PDGFD: variants seen among roughly 807,000 people sequenced by gnomAD.
PDGFD encodes the protein platelet derived growth factor D, also known as platelet-derived growth factor D.
A neutral mutation model predicts 44.7 loss-of-function variants in PDGFD; 30 were observed. The ratio of observed to expected loss-of-function variants is 0.67; its 90% CI spans 0.50 to 0.91. The LOEUF is 0.91. Ranked by LOEUF, PDGFD falls within the 40% of genes least tolerant of loss-of-function variation. The pLI is 0.00. For missense variants in PDGFD, 445 were observed against 457.8 expected, an observed-to-expected ratio of 0.97 and a Z score of 0.25; for synonymous variants, 173 against 168.4, an observed-to-expected ratio of 1.03 and a Z score of -0.21.
In PDGFD at chr11:104,102,943, G is replaced by A. The variant is rs372743572; in HGVS notation, c.124+60861C>T. The stretch of plus-strand genomic sequence containing the variant: ...GGGCCTGTTGTGGGCTGGGGGGAGA[G>A]GGGAGGGATAGCATTAGGAGATATA... On this transcript the variant is annotated intron_variant, in intron 1 of 6. Transcript: ENST00000393158. Among the ~76,000 whole-genome samples, 48 of 152,214 alleles carry A rather than the reference G, an allele frequency of 3.2e-4. No homozygotes were observed. In the South Asian group the frequency reaches 9.3e-3, roughly 30 times the overall value.
At chr11:104,071,274 A>G (rs757286203) in intron 1 of PDGFD, among the ~76,000 whole-genome samples, 2 of 151,850 alleles carry the variant, frequency 1.3e-5, no homozygotes, top group African/African-American at 2.4e-5. Flanking sequence ...TTTTCTTTTC[A>G]TCAGTTAAGT....
At chr11:103,986,801 A>G (rs1488205028) in intron 3 of PDGFD, among the ~76,000 whole-genome samples, 1 of 152,244 alleles carries the variant, frequency 6.6e-6, no homozygotes, top group Non-Finnish European at 1.5e-5. Context: ...ATTATGGTTT[A>G]GGAGTCATGC....
intron 3 of PDGFD, among the ~76,000 whole-genome samples, chr11:103,989,436 G>A (rs1311164861): frequency 6.6e-6 from 1 of 152,186 alleles, no homozygotes; most frequent in Non-Finnish European, 1.5e-5. Flanking sequence ...TTCACCCAGG[G>A]GTTCTGGTAC....
At chr11:104,036,466 T>G in intron 1 of PDGFD, 1 of 237,684 alleles carries the variant, frequency 4.2e-6, no homozygotes, top group Non-Finnish European at 8.3e-6. Context: ...GTTGAAATCA[T>G]TTCTTTCATA....
At chr11:104,095,179 A>G (rs1861265695) in intron 1 of PDGFD, among the ~76,000 whole-genome samples, 1 of 151,956 alleles carries the variant, frequency 6.6e-6, no homozygotes, top group Non-Finnish European at 1.5e-5. Context: ...AATCCCCAGT[A>G]TTCTTCCCTT....
intron 3 of PDGFD, among the ~76,000 whole-genome samples, chr11:103,972,015 T>TCC (rs1026987314): frequency 6.6e-6 from 1 of 152,174 alleles, no homozygotes; most frequent in African/African-American, 2.4e-5. Flanking sequence ...TCCTGACCCT[T>TCC]CCCTCCTTGT....
In PDGFD at chr11:104,058,115, C is replaced by T. The variant is rs376737694; in HGVS notation, c.125-57860G>A. ...AAGATTAGTCAGCAATTTATTAGAACACAAAAAGCATGAACCATAAAAGAA... is the reference window on the plus strand; with the variant it reads ...AAGATTAGTCAGCAATTTATTAGAATACAAAAAGCATGAACCATAAAAGAA... On this transcript the variant is annotated intron_variant, in intron 1 of 6. Coordinates refer to ENST00000393158, the MANE Select transcript of PDGFD (RefSeq NM_025208.5). 3.9e-5 allele frequency among the ~76,000 whole-genome samples: 6 copies of T among 152,178 alleles called. No individual in the cohort carries two copies. The East Asian group carries it at 1.2e-3, about 29-fold the overall frequency.
chr11:103,956,187 T>C (rs1383013376), intron 3 of PDGFD, among the ~76,000 whole-genome samples: 2 of 151,502 alleles, frequency 1.3e-5, no homozygotes, highest in African/African-American at 4.9e-5. Flanking sequence ...GCATTAGGTA[T>C]ATCTCCTAAT....
At chr11:103,931,467 A>G (rs1858397423) in intron 5 of PDGFD, among the ~76,000 whole-genome samples, 1 of 152,248 alleles carries the variant, frequency 6.6e-6, no homozygotes, top group South Asian at 2.1e-4. Flanking sequence ...CTGGCCATTC[A>G]TCAATCTTTA....
intron 1 of PDGFD, among the ~76,000 whole-genome samples, chr11:104,016,209 G>T (rs1273217744): frequency 6.6e-6 from 1 of 152,142 alleles, no homozygotes; most frequent in Non-Finnish European, 1.5e-5. Context: ...ATACTTTCAG[G>T]TTTGATTAAT....
chr11:103,913,264 C>T (rs879620767), intron 6 of PDGFD, among the ~76,000 whole-genome samples: 2 of 152,160 alleles, frequency 1.3e-5, no homozygotes, highest in African/African-American at 2.4e-5. Flanking sequence ...AAACACTCCT[C>T]AGCAAATGCA....
At chr11:103,918,338 A>G (rs1206415337) in intron 6 of PDGFD, among the ~76,000 whole-genome samples, 1 of 152,202 alleles carries the variant, frequency 6.6e-6, no homozygotes, top group Non-Finnish European at 1.5e-5. Flanking sequence ...CTATTTTCCA[A>G]GACTATCTGG....
intron 1 of PDGFD, among the ~76,000 whole-genome samples, chr11:104,069,818 C>A (rs1301801145): frequency 6.6e-6 from 1 of 152,180 alleles, no homozygotes; most frequent in East Asian, 1.9e-4. Context: ...CTAGCTCGTG[C>A]CACTGCACTC....
chr11:104,027,929 G>C (rs907072016), intron 1 of PDGFD, among the ~76,000 whole-genome samples: 2 of 152,098 alleles, frequency 1.3e-5, no homozygotes, highest in African/African-American at 2.4e-5. Context: ...GGTGGCTCAC[G>C]CTTGTAATCT....
intron 6 of PDGFD, among the ~76,000 whole-genome samples, chr11:103,910,870 T>C (rs1858016597): frequency 6.6e-6 from 1 of 152,160 alleles, no homozygotes; most frequent in South Asian, 2.1e-4. Context: ...GAGATTGACC[T>C]GGGATGCTTG....
intron 1 of PDGFD, among the ~76,000 whole-genome samples, chr11:104,070,824 T>C (rs542346240): frequency 2.0e-5 from 3 of 152,306 alleles, no homozygotes; most frequent in South Asian, 4.1e-4. Context: ...GCCAATGTTA[T>C]AGAATTACAA....
intron 6 of PDGFD, among the ~76,000 whole-genome samples, chr11:103,916,955 A>T (rs1439860032): frequency 6.6e-6 from 1 of 152,054 alleles, no homozygotes; most frequent in Non-Finnish European, 1.5e-5. Flanking sequence ...GGGACTAGGG[A>T]AGGGATAGCA....
At chr11:104,115,734 G>T (rs934564848) in intron 1 of PDGFD, among the ~76,000 whole-genome samples, 2 of 151,846 alleles carry the variant, frequency 1.3e-5, no homozygotes, top group African/African-American at 4.8e-5. Context: ...CCATTCTTGT[G>T]GTAGTAAGCT....
chr11:104,120,954 C>T (rs1352603269), intron 1 of PDGFD, among the ~76,000 whole-genome samples: 3 of 151,970 alleles, frequency 2.0e-5, no homozygotes, highest in African/African-American at 7.2e-5. Context: ...GAGTCTTTTA[C>T]GTAGCAGGCC....
Sources: gnomAD v4.1 joint callset for allele counts (sites outside exome capture counted in the v4.1 genomes callset) on GRCh38, gnomAD v4.1.1 for gene constraint, MANE v1.5 for transcripts, NCBI Gene and HGNC (gene_info 2026-07-23, HGNC 2026-07-21) for gene names.